The following CADM1 variants were observed in gnomAD, a reference collection of about 807,000 sequenced individuals.
The protein encoded by CADM1 is TSLC-1.
Under a neutral mutation model 53.1 loss-of-function variants are expected in CADM1, and 15 were observed. That is an observed-to-expected ratio of 0.28 (90% confidence interval 0.19 to 0.44). The LOEUF (loss-of-function observed/expected upper bound fraction) is 0.44. CADM1 is among the 20% of genes least tolerant of loss of function. The probability of loss-of-function intolerance (pLI) is 1.00; values close to 1 mark genes in which losing one functional copy is unlikely to be tolerated. For missense variants in CADM1, 434 were observed against 611.3 expected (o/e 0.71, Z 3.06); for synonymous variants, 281 against 243.0 (o/e 1.16, Z -1.45).
chr11:115,393,066 C>CAA lies in CADM1; in HGVS notation c.124+111203_124+111204dup, dbSNP rs758785520. On this transcript the variant is annotated intron_variant, in intron 1 of 11. Transcript: ENST00000331581. Reference sequence around the variant, plus strand: ...CAACATAGCGAGACCCCATCTCTTCCAAAAAAAAAAAAAAAAAAAAAAAAG... The same window carrying CAA: ...CAACATAGCGAGACCCCATCTCTTCCAAAAAAAAAAAAAAAAAAAAAAAAAAG... 7.2e-3 allele frequency among the ~76,000 whole-genome samples: 360 copies of CAA among 49,958 alleles called. 1 individual carries two copies. Among genetic ancestry groups the CAA allele is most frequent in the Non-Finnish European group, 8.9e-3 (232 of 26,134 alleles). The allele number at this position is 49,958 out of a possible 152,430, so 32.8% of individuals were successfully genotyped here.
chr11:115,385,633 G>T (rs796354707), intron 1 of CADM1, among the ~76,000 whole-genome samples: 2 of 111,480 alleles, frequency 1.8e-5, no homozygotes, highest in East Asian at 3.0e-4. Context: ...AAGGATTAAA[G>T]AAAAAAAAAA....
intron 1 of CADM1, among the ~76,000 whole-genome samples, chr11:115,288,240 G>A (rs1943783294): frequency 6.6e-6 from 1 of 152,110 alleles, no homozygotes; most frequent in African/African-American, 2.4e-5. Flanking sequence ...GATGATGTTG[G>A]GGAGAGAATG....
At chr11:115,331,473 A>T (rs1945126137) in intron 1 of CADM1, among the ~76,000 whole-genome samples, 1 of 152,164 alleles carries the variant, frequency 6.6e-6, no homozygotes, top group African/African-American at 2.4e-5. Context: ...AAGGGCCCAA[A>T]AGGTAAGCAC....
At chr11:115,195,434 A>T (rs1940099296) in intron 9 of CADM1, among the ~76,000 whole-genome samples, 1 of 152,350 alleles carries the variant, frequency 6.6e-6, no homozygotes, top group East Asian at 1.9e-4. Flanking sequence ...CTTTTTATAA[A>T]AACACAGAAA....
At chr11:115,309,518 G>A (rs771953260) in intron 1 of CADM1, among the ~76,000 whole-genome samples, 1 of 152,076 alleles carries the variant, frequency 6.6e-6, no homozygotes. Context: ...GTTTAATAAC[G>A]GATTTCAATC....
At chr11:115,412,111 C>G (rs188643457) in intron 1 of CADM1, among the ~76,000 whole-genome samples, 23 of 152,020 alleles carry the variant, frequency 1.5e-4, no homozygotes, top group African/African-American at 5.3e-4. Context: ...CTTTATAATG[C>G]GAACTTAAGC....
intron 10 of CADM1, among the ~76,000 whole-genome samples, chr11:115,181,592 G>C (rs770544245): frequency 6.6e-6 from 1 of 152,132 alleles, no homozygotes; most frequent in African/African-American, 2.4e-5. Flanking sequence ...GAACACTGCC[G>C]GTTACGAGCG....
intron 9 of CADM1, among the ~76,000 whole-genome samples, chr11:115,196,442 G>T (rs1940148780): frequency 6.6e-6 from 1 of 151,872 alleles, no homozygotes; most frequent in African/African-American, 2.4e-5. Context: ...GGAGACAAAT[G>T]GTCAATATTT....
At chr11:115,388,719 A>G (rs1946761952) in intron 1 of CADM1, among the ~76,000 whole-genome samples, 1 of 152,168 alleles carries the variant, frequency 6.6e-6, no homozygotes, top group South Asian at 2.1e-4. Context: ...AAAAAATAAA[A>G]GAGGTGGGGG....
intron 1 of CADM1, among the ~76,000 whole-genome samples, chr11:115,242,023 C>CCTTA (rs994868720): frequency 1.4e-5 from 2 of 146,994 alleles, no homozygotes; most frequent in African/African-American, 5.0e-5. Context: ...AGAGGGGTGG[C>CCTTA]TAAGATGGCT....
chr11:115,240,418 C>A lies in CADM1; in HGVS notation c.127G>T (p.Asp43Tyr). Residue 43 changes from aspartate to tyrosine, a missense_variant and splice_region_variant, in exon 2 of 12, where the codon GAT becomes TAT. Physicochemically the swap from Asp to Tyr is radical, Grantham distance 160. Transcript: ENST00000331581. ...TCTTTCGTAAACAGATTCTGCCCAT[C>A]ACCTTAAAAAAAGGGAAGAAAAGGT... The part of the protein sequence containing the change: ...FSAAALIPTG[D>Y]GQNLFTKDVT... 2 of 1,613,470 alleles carry A rather than the reference C, an allele frequency of 1.2e-6. No individual in the cohort carries two copies. The highest frequency in any genetic ancestry group is 1.7e-6 in the Non-Finnish European group (2 of 1,179,718).
intron 1 of CADM1, among the ~76,000 whole-genome samples, chr11:115,482,048 A>C (rs1591291460): frequency 6.6e-6 from 1 of 152,168 alleles, no homozygotes; most frequent in South Asian, 2.1e-4. Flanking sequence ...TTCAAAGGCT[A>C]TTCCCCTCAG....
intron 1 of CADM1, among the ~76,000 whole-genome samples, chr11:115,355,898 T>C (rs1443201791): frequency 1.3e-5 from 2 of 152,178 alleles, no homozygotes; most frequent in Non-Finnish European, 2.9e-5. Flanking sequence ...AGTGGCGTGA[T>C]CTTGGCTCAC....
chr11:115,257,172 T>A (rs77753098), intron 1 of CADM1, among the ~76,000 whole-genome samples: 4 of 152,090 alleles, frequency 2.6e-5, no homozygotes, highest in Non-Finnish European at 5.9e-5. Context: ...AGTTTTTTTT[T>A]AATAAAGAAA....
chr11:115,281,475 A>T (rs1483971497), intron 1 of CADM1, among the ~76,000 whole-genome samples: 3 of 152,172 alleles, frequency 2.0e-5, no homozygotes, highest in East Asian at 1.9e-4. Context: ...ACAATTCTCA[A>T]TTTTTTTAAC....
intron 1 of CADM1, among the ~76,000 whole-genome samples, chr11:115,342,703 T>C (rs575144801): frequency 3.3e-5 from 5 of 152,306 alleles, no homozygotes; most frequent in South Asian, 4.1e-4. Flanking sequence ...TGTGTTTCCA[T>C]AGTACTTTGT....
At chr11:115,495,386 T>C (rs1211456262) in intron 1 of CADM1, among the ~76,000 whole-genome samples, 1 of 152,160 alleles carries the variant, frequency 6.6e-6, no homozygotes, top group Non-Finnish European at 1.5e-5. Context: ...ATCACTGTAT[T>C]ATCATGCTGC....
chr11:115,474,537 T>C (rs314502), intron 1 of CADM1, among the ~76,000 whole-genome samples: 7,300 of 151,908 alleles, frequency 0.048, 210 homozygotes, highest in Middle Eastern at 0.095. Context: ...GATGAGTTCA[T>C]GTCCTTTATA....
chr11:115,202,659 T>A (rs1940489750), intron 8 of CADM1, among the ~76,000 whole-genome samples: 1 of 152,190 alleles, frequency 6.6e-6, no homozygotes, highest in Non-Finnish European at 1.5e-5. Context: ...CATATTTTAA[T>A]ACACTTTCTC....
Sources: gnomAD v4.1 joint callset for allele counts (sites outside exome capture counted in the v4.1 genomes callset) on GRCh38, gnomAD v4.1.1 for gene constraint, MANE v1.5 for transcripts, NCBI Gene and HGNC (gene_info 2026-07-23, HGNC 2026-07-21) for gene names.